The following SPATA17 variants were observed in gnomAD, a reference collection of about 807,000 sequenced individuals.
The protein encoded by SPATA17 is spermatogenesis-associated protein 17.
In SPATA17, 53 loss-of-function variants were observed where a neutral mutation model predicts 62.2. The observed-to-expected ratio is 0.85, with a 90% confidence interval of 0.68 to 1.07. The LOEUF is 1.07. Ranked by LOEUF, SPATA17 falls within the 50% of genes least tolerant of loss-of-function variation. The pLI, the probability that SPATA17 is intolerant of heterozygous loss-of-function variation, is 0.00. For missense variants in SPATA17, 466 were observed against 425.5 expected, an observed-to-expected ratio of 1.10 and a Z score of -0.84; for synonymous variants, 146 against 146.8, an observed-to-expected ratio of 0.99 and a Z score of 0.04.
At position 217,838,229 on chromosome 1, in the gene SPATA17, T is replaced by C. The variant is rs1675306665; in HGVS notation, c.1006-24545T>C. Among the ~76,000 whole-genome samples, 3 of 152,090 alleles carry C rather than the reference T, an allele frequency of 2.0e-5. No homozygotes were observed. In the South Asian group the frequency reaches 6.2e-4, roughly 31 times the overall value. On this transcript the variant is annotated intron_variant, in intron 9 of 10. Coordinates refer to ENST00000366933, the MANE Select transcript of SPATA17 (RefSeq NM_138796.4). Reference sequence around the variant, plus strand: ...TTAGACAGCACTGCTCTAGATGATATATTTGCCCAATTTTGGGGGATAGAA... The same window carrying C: ...TTAGACAGCACTGCTCTAGATGATACATTTGCCCAATTTTGGGGGATAGAA...
chr1:217,786,318 A>G (rs1673860028), intron 8 of SPATA17, among the ~76,000 whole-genome samples: 1 of 152,180 alleles, frequency 6.6e-6, no homozygotes, highest in East Asian at 1.9e-4. Flanking sequence ...GTCTCTGATA[A>G]TCTAGGAAAG....
At chr1:217,702,049 T>TAC (rs1370905607) in intron 5 of SPATA17, among the ~76,000 whole-genome samples, 1 of 151,570 alleles carries the variant, frequency 6.6e-6, no homozygotes. Flanking sequence ...TATATATATA[T>TAC]ATGCAGATAA....
intron 8 of SPATA17, among the ~76,000 whole-genome samples, chr1:217,799,410 A>C (rs1250653215): frequency 6.6e-6 from 1 of 152,154 alleles, no homozygotes; most frequent in Non-Finnish European, 1.5e-5. Flanking sequence ...GCCGGCTCGC[A>C]GCACCTCCTT....
Position 217,648,691 on chromosome 1 carries a change from A to G in SPATA17, c.69-191A>G, listed in dbSNP as rs145902563. Among the ~76,000 whole-genome samples the G allele has an allele frequency of 4.6e-3, 705 of 152,344 alleles. 2 individuals carry two copies. Among genetic ancestry groups the G allele is most frequent in the Non-Finnish European group, 5.4e-3 (368 of 68,018 alleles). ...TTGAAAGCACATGGCTTCTCAGAGA[A>G]AGGTTAATTTTCAAAACATAGCTCA... On this transcript the variant is annotated intron_variant, in intron 1 of 10. Coordinates refer to ENST00000366933, the MANE Select transcript of SPATA17 (RefSeq NM_138796.4).
chr1:217,790,779 C>T (rs189032618), intron 8 of SPATA17, among the ~76,000 whole-genome samples: 1 of 152,194 alleles, frequency 6.6e-6, no homozygotes, highest in East Asian at 1.9e-4. Flanking sequence ...AGTATGATTT[C>T]GTAGACATTA....
rs1295813636 is a variant in SPATA17, at chr1:217,795,388, G to A, written c.873-6330G>A. On this transcript the variant is annotated intron_variant, in intron 8 of 10. Coordinates refer to ENST00000366933, the MANE Select transcript of SPATA17 (RefSeq NM_138796.4). Reference sequence around the variant, plus strand: ...TTTTTTTTTTTTTTTTTTTTTTTTCGAGACAGAGTCTTGCTCTGTCGCCCA... The same window carrying A: ...TTTTTTTTTTTTTTTTTTTTTTTTCAAGACAGAGTCTTGCTCTGTCGCCCA... Among the ~76,000 whole-genome samples, 3 of 54,190 alleles carry A rather than the reference G, an allele frequency of 5.5e-5. No homozygotes were observed. In the South Asian group the frequency reaches 1.3e-3, roughly 24 times the overall value. The allele number at this position is 54,190 out of a possible 152,430, so 35.6% of individuals were successfully genotyped here. A position where few individuals can be genotyped will look rare whatever the true frequency, so the allele number is the denominator to read the frequency against.
At chr1:217,697,399 CA>C (rs1298842938) in intron 5 of SPATA17, among the ~76,000 whole-genome samples, 1 of 152,140 alleles carries the variant, frequency 6.6e-6, no homozygotes, top group African/African-American at 2.4e-5. Flanking sequence ...TGTATTACAG[CA>C]AGAAGATTCT....
At chr1:217,852,122 C>T (rs1675680489) in intron 9 of SPATA17, among the ~76,000 whole-genome samples, 2 of 152,148 alleles carry the variant, frequency 1.3e-5, no homozygotes, top group African/African-American at 2.4e-5. Flanking sequence ...ATCACTTTTC[C>T]TCACCAGAGC....
intron 6 of SPATA17, among the ~76,000 whole-genome samples, chr1:217,754,885 C>T (rs776005478): frequency 2.0e-5 from 3 of 152,006 alleles, no homozygotes; most frequent in Non-Finnish European, 4.4e-5. Context: ...AGATTATACT[C>T]CCAAATGTTT....
intron 8 of SPATA17, among the ~76,000 whole-genome samples, chr1:217,783,053 A>T (rs1290716769): frequency 6.6e-6 from 1 of 151,106 alleles, no homozygotes; most frequent in African/African-American, 2.4e-5. Flanking sequence ...GCTAAGTAAG[A>T]CATTATTACA....
intron 9 of SPATA17, among the ~76,000 whole-genome samples, chr1:217,825,528 G>T (rs1445656440): frequency 1.3e-5 from 2 of 151,608 alleles, no homozygotes; most frequent in Non-Finnish European, 2.9e-5. Context: ...AATCTGGTTT[G>T]GTAATCAGCC....
chr1:217,790,507 C>G (rs1488723754), intron 8 of SPATA17, among the ~76,000 whole-genome samples: 1 of 152,124 alleles, frequency 6.6e-6, no homozygotes, highest in Non-Finnish European at 1.5e-5. Flanking sequence ...GTGGCACGAT[C>G]TCGGCTCACT....
intron 5 of SPATA17, among the ~76,000 whole-genome samples, chr1:217,686,240 A>G (rs1671212372): frequency 6.6e-6 from 1 of 152,178 alleles, no homozygotes; most frequent in African/African-American, 2.4e-5. Context: ...TAAATACTTT[A>G]TAAAACTCCC....
intron 9 of SPATA17, among the ~76,000 whole-genome samples, chr1:217,854,104 G>C (rs1032162667): frequency 6.6e-6 from 1 of 152,238 alleles, no homozygotes; most frequent in Non-Finnish European, 1.5e-5. Flanking sequence ...CAGCTGGATT[G>C]GTTAGAGCTC....
intron 4 of SPATA17, among the ~76,000 whole-genome samples, chr1:217,677,449 G>A (rs962581722): frequency 2.6e-5 from 4 of 151,612 alleles, no homozygotes; most frequent in African/African-American, 9.7e-5. Flanking sequence ...TAATGACCCC[G>A]AGATTACATA....
chr1:217,834,246 C>T (rs915639826), intron 9 of SPATA17, among the ~76,000 whole-genome samples: 4 of 151,880 alleles, frequency 2.6e-5, no homozygotes, highest in South Asian at 2.1e-4. Flanking sequence ...TACTTGATAA[C>T]GATAATAAAT....
At chr1:217,827,992 C>G (rs1485371257) in intron 9 of SPATA17, among the ~76,000 whole-genome samples, 1 of 152,038 alleles carries the variant, frequency 6.6e-6, no homozygotes, top group Non-Finnish European at 1.5e-5. Flanking sequence ...ACACGTTTAC[C>G]TATGTAACAA....
At chr1:217,719,876 C>T (rs1672085420) in intron 5 of SPATA17, among the ~76,000 whole-genome samples, 1 of 152,078 alleles carries the variant, frequency 6.6e-6, no homozygotes, top group Non-Finnish European at 1.5e-5. Flanking sequence ...TTCTCTGAGA[C>T]GTCATGGGCG....
chr1:217,768,788 G>A lies in SPATA17; in HGVS notation c.520-5546G>A, dbSNP rs113049686. ...ATTACAGACGTGAGCCACCGTGCCCGGTCAGCTCTACCCATCTTTAGAACA... is the reference window on the plus strand; with the variant it reads ...ATTACAGACGTGAGCCACCGTGCCCAGTCAGCTCTACCCATCTTTAGAACA... On this transcript the variant is annotated intron_variant, in intron 6 of 10. Coordinates refer to ENST00000366933, the MANE Select transcript of SPATA17 (RefSeq NM_138796.4). Among the ~76,000 whole-genome samples, 1,212 of 152,050 alleles carry A rather than the reference G, an allele frequency of 8.0e-3. 13 individuals carry two copies. Among genetic ancestry groups the A allele is most frequent in the African/African-American group, 0.024 (1,016 of 41,470 alleles).
Sources: allele counts gnomAD v4.1 joint callset (sites outside exome capture counted in the v4.1 genomes callset), GRCh38; gene constraint gnomAD v4.1.1; transcripts MANE v1.5; gene names NCBI Gene and HGNC (gene_info 2026-07-23, HGNC 2026-07-21).